Variants in TRMT10B observed in about 807,000 individuals in gnomAD.
TRMT10B encodes the protein tRNA methyltransferase 10 homolog B.
Under a neutral mutation model 43.8 loss-of-function variants are expected in TRMT10B, and 33 were observed. That is an observed-to-expected ratio of 0.75 (90% CI 0.57 to 1.01). The LOEUF is 1.01. TRMT10B is among the 50% of genes least tolerant of loss of function. TRMT10B has a pLI of 0.00. For missense variants in TRMT10B, 362 were observed against 369.8 expected (o/e 0.98, Z 0.17); for synonymous variants, 137 against 130.6 (o/e 1.05, Z -0.34).
intron 6 of TRMT10B, among the ~76,000 whole-genome samples, chr9:37,770,363 A>T (rs1365048769): frequency 6.6e-6 from 1 of 152,240 alleles, no homozygotes; most frequent in Non-Finnish European, 1.5e-5. Flanking sequence ...ACATAATTTT[A>T]AAATGTATTG....
chr9:37,769,334 A>AG (rs1240775116), intron 5 of TRMT10B, among the ~76,000 whole-genome samples: 2 of 139,056 alleles, frequency 1.4e-5, no homozygotes, highest in Non-Finnish European at 3.2e-5. Flanking sequence ...AAAAAAAAAA[A>AG]AAAAAAATCT....
chr9:37,770,796 G>C (rs901269393), intron 7 of TRMT10B, 57 bp downstream of exon 7: 1 of 1,571,632 alleles, frequency 6.4e-7, no homozygotes, highest in African/African-American at 1.4e-5. Context: ...TACTTTTAGA[G>C]GCATGTGCCC....
At chr9:37,773,274 A>ATTTT (rs3076727) in intron 7 of TRMT10B, among the ~76,000 whole-genome samples, 1 of 144,830 alleles carries the variant, frequency 6.9e-6, no homozygotes, top group African/African-American at 2.6e-5. Context: ...TGGCCAGCTA[A>ATTTT]TTTTTTTTTT....
At chr9:37,763,928 G>A in intron 4 of TRMT10B, 175 bp downstream of exon 4, 1 of 1,322,126 alleles carries the variant, frequency 7.6e-7, no homozygotes. Context: ...TAACGAACCT[G>A]GAAGAGAATA....
In TRMT10B at chr9:37,776,279, C is replaced by T. The variant is rs1828133641; in HGVS notation, c.721-3C>T. On this transcript the variant is annotated splice_polypyrimidine_tract_variant and splice_region_variant and intron_variant, in intron 7 of 8. Transcript: ENST00000297994. ...AGAAAAATATTTAACTATATATTTA[C>T]AGAAGGTGACATTTCAAAAGGCCCG... 2.6e-6 allele frequency: 4 copies of T among 1,513,428 alleles called. No homozygotes were observed. Among genetic ancestry groups the T allele is most frequent in the Non-Finnish European group, 3.5e-6 (4 of 1,135,860 alleles). 93.7% of individuals were successfully genotyped at this position (1,513,428 alleles called of 1,614,324 possible). A position where few individuals can be genotyped will look rare whatever the true frequency, so the allele number is the denominator to read the frequency against.
chr9:37,754,770 CATCGGACCCATA>C (rs764334431), intron 1 of TRMT10B, among the ~76,000 whole-genome samples: 14 of 152,110 alleles, frequency 9.2e-5, no homozygotes, highest in Non-Finnish European at 1.9e-4. Context: ...GAATATTCAG[CATCGGACCCATA>C]ATTGGAGGCT....
intron 7 of TRMT10B, among the ~76,000 whole-genome samples, chr9:37,771,039 C>A (rs768415048): frequency 6.6e-6 from 1 of 152,230 alleles, no homozygotes; most frequent in Non-Finnish European, 1.5e-5. Context: ...TAAGCATCAA[C>A]TCAACATTCT....
rs1475639950 is a variant in TRMT10B, at chr9:37,768,229, G to A, written c.573+1G>A. ...GAATGATGGATTTTCTAGTTACCTG[G>A]TAAGTCTCTTTTTGCATATTATTTG... On this transcript the variant is annotated splice_donor_variant, in intron 5 of 8. Coordinates refer to ENST00000297994, the MANE Select transcript of TRMT10B (RefSeq NM_144964.4). LOFTEE classifies it high-confidence loss of function. 1.2e-6 allele frequency: 2 copies of A among 1,609,698 alleles called. No individual in the cohort carries two copies. Among genetic ancestry groups the A allele is most frequent in the South Asian group, 1.1e-5 (1 of 90,486 alleles).
chr9:37,759,688 G>A (rs973866275), intron 1 of TRMT10B, among the ~76,000 whole-genome samples: 14 of 152,102 alleles, frequency 9.2e-5, no homozygotes, highest in Admixed American at 5.9e-4. Flanking sequence ...ATGGTGGTGC[G>A]TGCCTGTAGT....
chr9:37,764,313 A>C (rs1489670631), intron 4 of TRMT10B, among the ~76,000 whole-genome samples: 2 of 140,638 alleles, frequency 1.4e-5, no homozygotes, highest in Non-Finnish European at 1.6e-5. Context: ...CACGCCTGAC[A>C]AATTTTTTTT....
chr9:37,754,007 C>T (rs1442223513), intron 1 of TRMT10B, among the ~76,000 whole-genome samples, 155 bp downstream of exon 1: 2 of 152,238 alleles, frequency 1.3e-5, no homozygotes, highest in Non-Finnish European at 2.9e-5. Context: ...TCCCTTCCTG[C>T]TTCCACTCGC....
chr9:37,766,911 T>C (rs1827039925), intron 4 of TRMT10B: 1 of 152,238 alleles, frequency 6.6e-6, no homozygotes, highest in Non-Finnish European at 1.5e-5. Flanking sequence ...TTGTGATTTT[T>C]GCACATTGAT....
intron 1 of TRMT10B, among the ~76,000 whole-genome samples, chr9:37,756,025 C>T (rs576178013): frequency 6.6e-6 from 1 of 152,238 alleles, no homozygotes; most frequent in South Asian, 2.1e-4. Flanking sequence ...TCTCTTTTCC[C>T]CTCCTTAGCC....
intron 1 of TRMT10B, among the ~76,000 whole-genome samples, chr9:37,759,556 G>A (rs1395567279): frequency 1.3e-5 from 2 of 152,218 alleles, no homozygotes; most frequent in East Asian, 3.8e-4. Context: ...GGTGGCTCAC[G>A]CCTGTAATCC....
chr9:37,770,791 T>G, intron 7 of TRMT10B, 52 bp downstream of exon 7: 2 of 1,584,712 alleles, frequency 1.3e-6, no homozygotes. Flanking sequence ...GTGCTTACTT[T>G]TAGAGGCATG....
At chr9:37,775,361 T>C (rs866916286) in intron 7 of TRMT10B, among the ~76,000 whole-genome samples, 110 of 152,208 alleles carry the variant, frequency 7.2e-4, no homozygotes, top group Admixed American at 1.8e-3. Context: ...AGAAAATCTT[T>C]CCTGTGCTTC....
chr9:37,763,808 G>A (rs145193327), intron 4 of TRMT10B, 55 bp downstream of exon 4: 1 of 1,611,806 alleles, frequency 6.2e-7, no homozygotes, highest in Non-Finnish European at 8.5e-7. Context: ...GGCCCAGAAG[G>A]GTACAGCTTT....
At chr9:37,765,678 G>T (rs573934453) in intron 4 of TRMT10B, among the ~76,000 whole-genome samples, 4 of 152,242 alleles carry the variant, frequency 2.6e-5, no homozygotes, top group Non-Finnish European at 4.4e-5. Flanking sequence ...TTCCACAATG[G>T]TTGAACTAGT....
chr9:37,774,680 A>C (rs1827948624), intron 7 of TRMT10B, among the ~76,000 whole-genome samples: 1 of 152,232 alleles, frequency 6.6e-6, no homozygotes, highest in Non-Finnish European at 1.5e-5. Flanking sequence ...AAGGAGTTTT[A>C]TCCTTTCAAA....
Sources: allele counts gnomAD v4.1 joint callset (sites outside exome capture counted in the v4.1 genomes callset), GRCh38; gene constraint gnomAD v4.1.1; transcripts MANE v1.5; gene names NCBI Gene and HGNC (gene_info 2026-07-23, HGNC 2026-07-21).